Variants in LRRC4C observed in about 807,000 individuals in gnomAD.
LRRC4C encodes the protein leucine-rich repeat-containing protein 4C.
In LRRC4C, 5 loss-of-function variants were observed where a neutral mutation model predicts 33.6. The ratio of observed to expected loss-of-function variants is 0.15; its 90% confidence interval spans 0.08 to 0.31. The LOEUF (loss-of-function observed/expected upper bound fraction) is 0.31. Ranked by LOEUF, LRRC4C falls within the 10% of genes least tolerant of loss-of-function variation. The pLI is 1.00. For missense variants in LRRC4C, 560 were observed against 796.7 expected, an observed-to-expected ratio of 0.70 and a Z score of 3.58; for synonymous variants, 329 against 302.0, an observed-to-expected ratio of 1.09 and a Z score of -0.93.
chr11:40,575,080 C>T (rs1253558166), intron 3 of LRRC4C, among the ~76,000 whole-genome samples: 1 of 152,150 alleles, frequency 6.6e-6, no homozygotes, highest in Non-Finnish European at 1.5e-5. Flanking sequence ...GCAGGAGCTC[C>T]AGTTCTCCAT....
intron 1 of LRRC4C, among the ~76,000 whole-genome samples, chr11:41,052,342 A>G (rs1320968049): frequency 6.6e-6 from 1 of 152,020 alleles, no homozygotes; most frequent in Non-Finnish European, 1.5e-5. Context: ...AGAAAAAAAT[A>G]ATCTTTCCTC....
At chr11:40,547,553 AAATG>A (rs1306679450) in intron 3 of LRRC4C, among the ~76,000 whole-genome samples, 1 of 152,090 alleles carries the variant, frequency 6.6e-6, no homozygotes, top group Non-Finnish European at 1.5e-5. Context: ...AATGCTACCT[AAATG>A]AATATTTCCA....
chr11:40,630,056 T>C (rs1175321988), intron 3 of LRRC4C, among the ~76,000 whole-genome samples: 1 of 152,100 alleles, frequency 6.6e-6, no homozygotes, highest in Non-Finnish European at 1.5e-5. Context: ...TCCAATATCA[T>C]AAAATAATTA....
chr11:41,068,126 C>G (rs765165856), intron 1 of LRRC4C, among the ~76,000 whole-genome samples: 1 of 152,130 alleles, frequency 6.6e-6, no homozygotes, highest in Non-Finnish European at 1.5e-5. Flanking sequence ...GGTGTGGTGG[C>G]TCACGCCTGT....
At chr11:40,309,737 G>A (rs188297938) in intron 4 of LRRC4C, among the ~76,000 whole-genome samples, 17 of 152,166 alleles carry the variant, frequency 1.1e-4, no homozygotes, top group Admixed American at 9.8e-4. Context: ...AAACTCCTGA[G>A]CTTAAGCGAT....
chr11:40,718,122 T>C (rs1388773533), intron 2 of LRRC4C, among the ~76,000 whole-genome samples: 2 of 152,198 alleles, frequency 1.3e-5, no homozygotes, highest in African/African-American at 2.4e-5. Flanking sequence ...TGGATGCCTA[T>C]GTAATCATTT....
chr11:41,134,825 G>A (rs1943184271), intron 1 of LRRC4C, among the ~76,000 whole-genome samples: 1 of 151,964 alleles, frequency 6.6e-6, no homozygotes, highest in Admixed American at 6.6e-5. Flanking sequence ...TATCATTTAG[G>A]GTGGATACAA....
intron 1 of LRRC4C, among the ~76,000 whole-genome samples, chr11:41,235,950 T>C (rs1948003065): frequency 6.6e-6 from 1 of 152,106 alleles, no homozygotes; most frequent in Non-Finnish European, 1.5e-5. Context: ...TAATAGAATC[T>C]AGAATTGGTG....
At chr11:40,656,595 CGA>C (rs1281580266) in intron 2 of LRRC4C, among the ~76,000 whole-genome samples, 3 of 151,990 alleles carry the variant, frequency 2.0e-5, no homozygotes, top group African/African-American at 7.3e-5. Flanking sequence ...TTCACGCTCT[CGA>C]GAGACTTTCC....
At chr11:41,446,935 T>C (rs1341409628) in intron 1 of LRRC4C, among the ~76,000 whole-genome samples, 1 of 151,920 alleles carries the variant, frequency 6.6e-6, no homozygotes, top group African/African-American at 2.4e-5. Flanking sequence ...AGCAAAGGAG[T>C]TCTGAAATCA....
At chr11:40,362,958 T>A (rs757840473) in intron 3 of LRRC4C, among the ~76,000 whole-genome samples, 1 of 152,152 alleles carries the variant, frequency 6.6e-6, no homozygotes, top group Non-Finnish European at 1.5e-5. Context: ...ACTTACACGC[T>A]GTTGGTGGGG....
At chr11:40,912,608 A>G (rs1956752157) in intron 2 of LRRC4C, among the ~76,000 whole-genome samples, 1 of 152,226 alleles carries the variant, frequency 6.6e-6, no homozygotes, top group Non-Finnish European at 1.5e-5. Context: ...AATTGTAAAG[A>G]CCATCAAGGC....
At chr11:40,460,386 CA>C (rs774186936) in intron 3 of LRRC4C, among the ~76,000 whole-genome samples, 26 of 151,670 alleles carry the variant, frequency 1.7e-4, no homozygotes, top group Admixed American at 1.3e-3. Context: ...AGCTAAAAAA[CA>C]AACATGGCAT....
intron 3 of LRRC4C, among the ~76,000 whole-genome samples, chr11:40,582,272 A>T (rs1433357361): frequency 6.6e-6 from 1 of 152,194 alleles, no homozygotes; most frequent in Non-Finnish European, 1.5e-5. Flanking sequence ...TAATCACAAA[A>T]TTACAATCCA....
chr11:40,880,081 G>A (rs1407190007), intron 2 of LRRC4C, among the ~76,000 whole-genome samples: 4 of 152,074 alleles, frequency 2.6e-5, no homozygotes, highest in Admixed American at 6.6e-5. Flanking sequence ...CAGCTGCCAT[G>A]CTGTGAGAAA....
At chr11:40,509,591 C>A (rs74503025) in intron 3 of LRRC4C, among the ~76,000 whole-genome samples, 1 of 151,748 alleles carries the variant, frequency 6.6e-6, no homozygotes, top group South Asian at 2.1e-4. Flanking sequence ...GTTTTCGGGA[C>A]TGCCTTCTTT....
intron 1 of LRRC4C, among the ~76,000 whole-genome samples, chr11:41,052,970 A>C (rs1340622656): frequency 6.6e-6 from 1 of 152,194 alleles, no homozygotes; most frequent in Non-Finnish European, 1.5e-5. Context: ...AACCACTGGA[A>C]ATACACATTT....
intron 1 of LRRC4C, among the ~76,000 whole-genome samples, chr11:40,950,797 G>C (rs1277361609): frequency 2.0e-5 from 3 of 151,658 alleles, no homozygotes; most frequent in Admixed American, 2.0e-4. Context: ...TTTTTCTCTA[G>C]ACACATTTAC....
chr11:40,734,419 G>T (rs994890218), intron 2 of LRRC4C, among the ~76,000 whole-genome samples: 2 of 152,064 alleles, frequency 1.3e-5, no homozygotes, highest in Non-Finnish European at 2.9e-5. Flanking sequence ...AACCAAACCC[G>T]ATCCAGAGAC....
Sources: gnomAD v4.1 joint callset for allele counts (sites outside exome capture counted in the v4.1 genomes callset) on GRCh38, gnomAD v4.1.1 for gene constraint, MANE v1.5 for transcripts, NCBI Gene and HGNC (gene_info 2026-07-23, HGNC 2026-07-21) for gene names.